GPM6B: variants seen among roughly 807,000 people sequenced by gnomAD.
GPM6B encodes the protein glycoprotein M6B.
In GPM6B, 4 loss-of-function variants were observed where a neutral mutation model predicts 27.2. The ratio of observed to expected loss-of-function variants is 0.15; its 90% CI spans 0.07 to 0.34. The LOEUF (loss-of-function observed/expected upper bound fraction) is 0.34. GPM6B is among the 10% of genes least tolerant of loss of function. GPM6B has a pLI of 1.00. For synonymous variants in GPM6B, 124 were observed against 103.1 expected (o/e 1.20, Z -1.23); for missense variants, 183 against 261.9 (o/e 0.70, Z 2.08).
chrX:13,853,590 C>CAAAAAAAAAAA (rs66531403), intron 1 of GPM6B, among the ~76,000 whole-genome samples: 1 of 38,544 alleles, frequency 2.6e-5, no homozygotes, highest in Non-Finnish European at 4.3e-5. Context: ...GACACCACCT[C>CAAAAAAAAAAA]AAAAAAAAAA....
intron 1 of GPM6B, among the ~76,000 whole-genome samples, chrX:13,930,147 T>C (rs777371505): frequency 2.0e-4 from 23 of 112,449 alleles, no homozygotes; most frequent in African/African-American, 7.1e-4. Context: ...AATTCTTACT[T>C]TTAGATACTT....
chrX:13,931,276 G>A (rs1260171141), intron 1 of GPM6B, among the ~76,000 whole-genome samples: 1 of 110,841 alleles, frequency 9.0e-6, no homozygotes, highest in Non-Finnish European at 1.9e-5. Flanking sequence ...GGAGGCCAAG[G>A]CGGGCGGATC....
chrX:13,900,875 A>G (rs183080065), intron 1 of GPM6B, among the ~76,000 whole-genome samples: 1 of 111,913 alleles, frequency 8.9e-6, no homozygotes, highest in African/African-American at 3.2e-5. Context: ...ATTTCACATC[A>G]TTCCTGAGTT....
chrX:13,782,757 C>CAAAAAAAAAAAAAAAA (rs36124855), intron 4 of GPM6B, among the ~76,000 whole-genome samples: 1 of 31,153 alleles, frequency 3.2e-5, no homozygotes, highest in Non-Finnish European at 6.1e-5. Context: ...TGCTCCGTCT[C>CAAAAAAAAAAAAAAAA]AAAAAAAAAA....
chrX:13,819,099 A>G (rs1478315327), upstream of GPM6B, among the ~76,000 whole-genome samples: 1 of 112,306 alleles, frequency 8.9e-6, no homozygotes, highest in Admixed American at 9.4e-5. Context: ...TCGAGATCAA[A>G]ACCATTAGAC....
intron 1 of GPM6B, among the ~76,000 whole-genome samples, chrX:13,937,258 A>G (rs1262022957): frequency 1.8e-5 from 2 of 111,876 alleles, no homozygotes; most frequent in African/African-American, 6.5e-5. Flanking sequence ...TATTTTGATC[A>G]CCTAGTAAAT....
chrX:13,888,837 T>C (rs1479329378), intron 1 of GPM6B: 1 of 112,365 alleles, frequency 8.9e-6, no homozygotes, highest in Non-Finnish European at 1.9e-5. Context: ...TATTTTTGCA[T>C]TGCAGACCTC....
At chrX:13,937,442 C>T (rs1336089558) in intron 1 of GPM6B, among the ~76,000 whole-genome samples, 1 of 111,586 alleles carries the variant, frequency 9.0e-6, no homozygotes, top group Non-Finnish European at 1.9e-5. Flanking sequence ...AGCGGAGGAG[C>T]GGGCAAGCAA....
chrX:13,932,782 A>G (rs1603151929), intron 1 of GPM6B, among the ~76,000 whole-genome samples: 1 of 111,842 alleles, frequency 8.9e-6, no homozygotes, highest in South Asian at 3.7e-4. Context: ...TTCAACCCCA[A>G]TCTTTCCAGA....
rs1569179531 is a variant in GPM6B at position 13,774,452 on chromosome X, C to T, written c.838-1422G>A. On this transcript the variant is annotated intron_variant, in intron 7 of 7. Coordinates refer to ENST00000316715, the MANE Select transcript of GPM6B (RefSeq NM_001001995.3). ...TAAAGCTATTTACAAATTACTGTAA[C>T]AAAATTGCAGAAACCTAGACTCTGC... 6.0e-6 allele frequency: 7 copies of T among 1,160,775 alleles called. No homozygotes were observed. In the African/African-American group the frequency reaches 1.1e-4, roughly 18 times the overall value.
intron 2 of GPM6B, among the ~76,000 whole-genome samples, chrX:13,803,828 A>G (rs1181478760): frequency 1.8e-5 from 2 of 111,799 alleles, no homozygotes; most frequent in African/African-American, 6.5e-5. Flanking sequence ...CAAGCAGGTA[A>G]GAGAAGCAAG....
intron 1 of GPM6B, among the ~76,000 whole-genome samples, chrX:13,858,149 C>T (rs1293653988): frequency 8.9e-6 from 1 of 112,132 alleles, no homozygotes; most frequent in Non-Finnish European, 1.9e-5. Context: ...GATAAGGCAT[C>T]CTACTGCTTC....
intron 1 of GPM6B, among the ~76,000 whole-genome samples, chrX:13,916,512 T>C (rs1001276817): frequency 6.3e-5 from 7 of 111,434 alleles, no homozygotes; most frequent in Admixed American, 9.6e-5. Context: ...GTATAAAGAC[T>C]CTCAGTGGTT....
intron 1 of GPM6B, among the ~76,000 whole-genome samples, chrX:13,892,374 T>C (rs1219777334): frequency 1.8e-5 from 2 of 111,477 alleles, no homozygotes; most frequent in Non-Finnish European, 3.8e-5. Context: ...TGGACTAACA[T>C]AGATCATAAT....
intron 1 of GPM6B, among the ~76,000 whole-genome samples, chrX:13,837,149 A>G (rs2049505234): frequency 8.9e-6 from 1 of 112,043 alleles, no homozygotes; most frequent in African/African-American, 3.2e-5. Context: ...AATAAACGCA[A>G]CCCAAATTGT....
chrX:13,821,579 G>A (rs1287453393), upstream of GPM6B, among the ~76,000 whole-genome samples: 1 of 112,328 alleles, frequency 8.9e-6, no homozygotes, highest in African/African-American at 3.2e-5. Flanking sequence ...TTAAAGGCCA[G>A]AAATCAAATC....
chrX:13,874,215 T>A (rs1479460716), intron 1 of GPM6B, among the ~76,000 whole-genome samples: 1 of 112,108 alleles, frequency 8.9e-6, no homozygotes, highest in Non-Finnish European at 1.9e-5. Flanking sequence ...TTTCATTTTT[T>A]AAAAAGCCTA....
At chrX:13,816,733 CA>C (rs1225150233) in intron 1 of GPM6B, 110 bp downstream of exon 1, 2 of 909,200 alleles carry the variant, frequency 2.2e-6, no homozygotes, top group East Asian at 6.2e-5. Context: ...AAGACCATGC[CA>C]TAGGGATTGT....
chrX:13,812,003 C>G (rs112570858), intron 1 of GPM6B, among the ~76,000 whole-genome samples: 2 of 106,813 alleles, frequency 1.9e-5, no homozygotes, highest in African/African-American at 6.8e-5. Flanking sequence ...GCTGAAGGGA[C>G]AGAGGAAGAA....
Sources: allele counts gnomAD v4.1 joint callset (sites outside exome capture counted in the v4.1 genomes callset), GRCh38; gene constraint gnomAD v4.1.1; transcripts MANE v1.5; gene names NCBI Gene and HGNC (gene_info 2026-07-23, HGNC 2026-07-21).